The following MTURN variants were observed in gnomAD, a reference collection of about 807,000 sequenced individuals.
MTURN encodes maturin.
A neutral mutation model predicts 14.9 loss-of-function variants in MTURN; 7 were observed. That is an observed-to-expected ratio of 0.47 (90% CI 0.27 to 0.88). The LOEUF is 0.88. Ranked by LOEUF, MTURN falls within the 40% of genes least tolerant of loss-of-function variation. MTURN has a pLI of 0.14. For missense variants in MTURN, 151 were observed against 174.1 expected, an observed-to-expected ratio of 0.87 and a Z score of 0.75; for synonymous variants, 69 against 72.5, an observed-to-expected ratio of 0.95 and a Z score of 0.25.
Position 30,135,031 on chromosome 7 carries a change from C to T in MTURN, c.-106C>T, listed in dbSNP as rs1796919198. The stretch of plus-strand genomic sequence containing the variant: ...AGTCCCAGCCGGCCCAGCCCGGCCC[C>T]GGAGGAGCCCGCGCAGGCCGAGCCG... On this transcript the variant is annotated 5_prime_UTR_variant, in exon 1 of 3. Transcript: ENST00000324453. 4 of 1,012,126 alleles carry T rather than the reference C, an allele frequency of 4.0e-6. No homozygotes were observed. Among genetic ancestry groups the T allele is most frequent in the African/African-American group, 3.5e-5 (2 of 57,304 alleles). 62.7% of individuals were successfully genotyped at this position (1,012,126 alleles called of 1,614,324 possible).
intron 1 of MTURN, among the ~76,000 whole-genome samples, chr7:30,144,103 A>C (rs554673780): frequency 8.3e-4 from 127 of 152,170 alleles, no homozygotes; most frequent in African/African-American, 3.0e-3. Context: ...TGTCTCCCCC[A>C]TCCTCCTGCA....
chr7:30,149,880 G>A (rs1797183180), intron 2 of MTURN, among the ~76,000 whole-genome samples: 1 of 152,186 alleles, frequency 6.6e-6, no homozygotes, highest in African/African-American at 2.4e-5. Flanking sequence ...GCAGTCCCCT[G>A]CTCTGCCTAC....
chr7:30,146,551 G>A (rs185112569), intron 2 of MTURN, among the ~76,000 whole-genome samples: 5 of 152,048 alleles, frequency 3.3e-5, no homozygotes, highest in African/African-American at 4.8e-5. Flanking sequence ...ATCCCTGATG[G>A]GGGGGGAAGC....
At chr7:30,136,813 G>A (rs1199149096) in intron 1 of MTURN, among the ~76,000 whole-genome samples, 1 of 152,090 alleles carries the variant, frequency 6.6e-6, no homozygotes, top group Non-Finnish European at 1.5e-5. Context: ...GTATAATAAT[G>A]CCAGCACCCA....
At chr7:30,138,155 G>A (rs1055047720) in intron 1 of MTURN, among the ~76,000 whole-genome samples, 7 of 151,660 alleles carry the variant, frequency 4.6e-5, no homozygotes, top group African/African-American at 1.2e-4. Context: ...TTGCTCTGTC[G>A]CCCAGGCTGG....
chr7:30,136,264 A>G (rs56012895), intron 1 of MTURN, among the ~76,000 whole-genome samples: 41,716 of 151,842 alleles, frequency 0.27, 6,230 homozygotes, highest in African/African-American at 0.39. Context: ...TGGGATCCCG[A>G]CTCTGGCAGT....
At chr7:30,146,417 C>T in intron 2 of MTURN, 118 bp downstream of exon 2, 1 of 1,427,990 alleles carries the variant, frequency 7.0e-7, no homozygotes, top group South Asian at 1.3e-5. Context: ...TTTCTCTTGT[C>T]TGTCCTGTGG....
intron 2 of MTURN, among the ~76,000 whole-genome samples, chr7:30,150,473 G>A (rs933069802): frequency 6.6e-6 from 1 of 152,214 alleles, no homozygotes; most frequent in African/African-American, 2.4e-5. Context: ...GAGGACCAGT[G>A]GATGCACCTG....
rs1392723749 is a variant in MTURN at position 30,160,152 on chromosome 7, G to A, written c.*2604G>A. On this transcript the variant is annotated 3_prime_UTR_variant, in exon 3 of 3. Coordinates refer to ENST00000324453, the MANE Select transcript of MTURN (RefSeq NM_152793.3). ...CTGTGCCTGCCTTATGTGTGTGTGTGAGTAAGGAGCAACAGTCAAGGAAAC... is the reference window on the plus strand; with the variant it reads ...CTGTGCCTGCCTTATGTGTGTGTGTAAGTAAGGAGCAACAGTCAAGGAAAC... 6.6e-6 allele frequency: 1 copy of A among 152,356 alleles called. No homozygotes were observed. The highest frequency in any genetic ancestry group is 1.5e-5 in the Non-Finnish European group (1 of 68,130). 9.4% of individuals were successfully genotyped at this position (152,356 alleles called of 1,614,324 possible). A position where few individuals can be genotyped will look rare whatever the true frequency, so the allele number is the denominator to read the frequency against.
At position 30,135,024 on chromosome 7, in the gene MTURN, C is replaced by G. The variant is rs916649552; in HGVS notation, c.-113C>G. 6.6e-4 allele frequency: 636 copies of G among 957,042 alleles called. No individual in the cohort carries two copies. Among genetic ancestry groups the G allele is most frequent in the Middle Eastern group, 9.2e-4 (2 of 2,172 alleles). 59.3% of individuals were successfully genotyped at this position (957,042 alleles called of 1,614,324 possible). On this transcript the variant is annotated 5_prime_UTR_variant, in exon 1 of 3. Transcript: ENST00000324453. Reference sequence around the variant, plus strand: ...TGTAAACAGTCCCAGCCGGCCCAGCCCGGCCCCGGAGGAGCCCGCGCAGGC... The same window carrying G: ...TGTAAACAGTCCCAGCCGGCCCAGCGCGGCCCCGGAGGAGCCCGCGCAGGC...
At chr7:30,137,101 C>T (rs966230999) in intron 1 of MTURN, among the ~76,000 whole-genome samples, 1 of 151,452 alleles carries the variant, frequency 6.6e-6, no homozygotes, top group Non-Finnish European at 1.5e-5. Context: ...AAGGGATTCA[C>T]TCCATTGCAA....
Position 30,135,888 on chromosome 7 carries a change from A to G in MTURN, c.162+590A>G, listed in dbSNP as rs186994895. On this transcript the variant is annotated intron_variant, in intron 1 of 2. Coordinates refer to ENST00000324453, the MANE Select transcript of MTURN (RefSeq NM_152793.3). ...TTGGACACAAAGCTCTGTCCATACTAGCGATGCCCGATCTCCTGGACCTTC... is the reference window on the plus strand; with the variant it reads ...TTGGACACAAAGCTCTGTCCATACTGGCGATGCCCGATCTCCTGGACCTTC... Among the ~76,000 whole-genome samples, 77 of 152,368 alleles carry G rather than the reference A, an allele frequency of 5.1e-4. 1 individual carries two copies. Among genetic ancestry groups the G allele is most frequent in the African/African-American group, 1.7e-3 (70 of 41,588 alleles).
chr7:30,157,401 C>A, intron 2 of MTURN, 37 bp from the exon 3 acceptor site: 2 of 1,513,710 alleles, frequency 1.3e-6, no homozygotes, highest in East Asian at 2.5e-5. Context: ...GGCCATTTGG[C>A]GCTCACAGCT....
intron 1 of MTURN, among the ~76,000 whole-genome samples, chr7:30,143,780 GTTAGAAATGCC>G (rs1797089240): frequency 6.6e-6 from 1 of 152,200 alleles, no homozygotes; most frequent in Non-Finnish European, 1.5e-5. Flanking sequence ...TCTTCATGAG[GTTAGAAATGCC>G]TTAGAAACAC....
intron 1 of MTURN, chr7:30,141,414 CA>C (rs67296963): frequency 0.43 from 39,643 of 91,914 alleles, 5,859 homozygotes; most frequent in East Asian, 0.58. Flanking sequence ...GACTCCGTCT[CA>C]AAAAAAAAAA....
At chr7:30,149,115 T>G (rs535490946) in intron 2 of MTURN, among the ~76,000 whole-genome samples, 1 of 151,996 alleles carries the variant, frequency 6.6e-6, no homozygotes, top group Non-Finnish European at 1.5e-5. Context: ...GAGGCTCTGG[T>G]TGTATTTTGG....
At chr7:30,141,871 G>A (rs1031262833) in intron 1 of MTURN, among the ~76,000 whole-genome samples, 6 of 152,026 alleles carry the variant, frequency 3.9e-5, no homozygotes, top group South Asian at 4.1e-4. Flanking sequence ...GGACTCCCTC[G>A]GTACCGAGTG....
chr7:30,151,691 T>C (rs1333822007), intron 2 of MTURN, among the ~76,000 whole-genome samples: 1 of 152,216 alleles, frequency 6.6e-6, no homozygotes, highest in African/African-American at 2.4e-5. Context: ...CTGAGTCCCC[T>C]ATTGCTCTTG....
intron 2 of MTURN, among the ~76,000 whole-genome samples, chr7:30,153,227 C>G (rs5003410): frequency 6.6e-6 from 1 of 152,036 alleles, no homozygotes; most frequent in South Asian, 2.1e-4. Context: ...TAAATTTAGA[C>G]TTGCCCACCA....
Sources: allele counts gnomAD v4.1 joint callset (sites outside exome capture counted in the v4.1 genomes callset), GRCh38; gene constraint gnomAD v4.1.1; transcripts MANE v1.5; gene names NCBI Gene and HGNC (gene_info 2026-07-23, HGNC 2026-07-21).